Variants in TLR9 observed in about 807,000 individuals in gnomAD.
TLR9 encodes the protein toll-like receptor 9.
TLR9 carries 19 observed loss-of-function variants against 24.6 expected under a neutral mutation model. The ratio of observed to expected loss-of-function variants is 0.77; its 90% CI spans 0.54 to 1.13. The LOEUF is 1.13. Ranked by LOEUF, TLR9 falls within the 50% of genes most tolerant of loss-of-function variation. TLR9 has a pLI of 0.00. For synonymous variants in TLR9, 579 were observed against 609.8 expected (o/e 0.95, Z 0.74); for missense variants, 1,065 against 1,379.6 (o/e 0.77, Z 3.61).
chr3:52,224,262 G>A lies in TLR9; in HGVS notation c.54C>T (p.Ile18=), dbSNP rs139242193. 6.2e-7 allele frequency: 1 copy of A among 1,611,790 alleles called. No individual in the cohort carries two copies. Residue 18 remains isoleucine (I), a synonymous_variant, in exon 2 of 2, where the codon ATC becomes ATT. Coordinates refer to ENST00000360658, the MANE Select transcript of TLR9 (RefSeq NM_017442.4). ...CCAGGGCCAGGGTCATGGCCAGCAT[G>A]ATGGCCTGCACCAGGAGAGACAGCG... ...LHPLSLLVQA[I]MLAMTLALGT...
At position 52,222,498 on chromosome 3, in the gene TLR9, G is replaced by A. The variant is rs201081818; in HGVS notation, c.1818C>T (p.Ser606=). Residue 606 remains serine, a synonymous_variant, in exon 2 of 2, where the codon AGC becomes AGT. Transcript: ENST00000360658. ...CCCACATATGGCCCAGTGCATTGCC[G>A]CTGAAGTCCAGGGCCCGCAGCGACG... ...CSTSLRALDF[S]GNALGHMWAE... 23 of 1,614,098 alleles carry A rather than the reference G, an allele frequency of 1.4e-5. No homozygotes were observed. The East Asian group carries it at 2.9e-4, about 20-fold the overall frequency.
In TLR9 at chr3:52,221,261, GGTGGTTGTCCCTGGTCA is replaced by G. The variant is rs1699547712; in HGVS notation, c.3038_3054del (p.Leu1013ProfsTer4). The G allele has an allele frequency of 6.6e-7, 1 of 1,516,362 alleles. No individual in the cohort carries two copies. Among genetic ancestry groups the G allele is most frequent in the African/African-American group, 1.4e-5 (1 of 71,604 alleles). The allele number at this position is 1,516,362 out of a possible 1,614,324, so 93.9% of individuals were successfully genotyped here. A position where few individuals can be genotyped will look rare whatever the true frequency, so the allele number is the denominator to read the frequency against. ...TGGCAGAAGTTCCGGTTATAGAAGT[GGTGGTTGTCCCTGGTCA>G]GGGCCATGCCCAGCTGGGCCCAGAA... is the stretch of plus-strand genomic sequence containing the variant. On this transcript the variant is annotated frameshift_variant, in exon 2 of 2. Coordinates refer to ENST00000360658, the MANE Select transcript of TLR9 (RefSeq NM_017442.4). LOFTEE classifies it high-confidence loss of function. The surrounding 1 kb of genome is among the most constrained non-coding windows in gnomAD (Gnocchi z 9.9).
rs1699593912 is a variant in TLR9 at position 52,223,957 on chromosome 3, A to G, written c.359T>C (p.Leu120Ser). Residue 120 changes from leucine to serine, a missense_variant, in exon 2 of 2, where the codon TTG (leucine) becomes TCG (serine). Physicochemically the swap from Leu to Ser is moderately radical, Grantham distance 145. Coordinates refer to ENST00000360658, the MANE Select transcript of TLR9 (RefSeq NM_017442.4). ...TAGCTCTTCCAGGGTGGGCACAGCC[A>G]AGAAGGTGCTGGGCTCGATGGTCAT... ...CHMTIEPSTF[L>S]AVPTLEELNL... The G allele has an allele frequency of 6.3e-7, 1 of 1,593,344 alleles. No homozygotes were observed. Among genetic ancestry groups the G allele is most frequent in the African/African-American group, 1.3e-5 (1 of 74,522 alleles).
chr3:52,224,460 TC>T, intron 1 of TLR9, 148 bp from the exon 2 acceptor site: 3 of 670,148 alleles, frequency 4.5e-6, no homozygotes, highest in Non-Finnish European at 7.6e-6. Context: ...CCCATTCCCA[TC>T]CCCCATGGCT....
Position 52,223,284 on chromosome 3 carries a change from A to G in TLR9, c.1032T>C (p.Asn344=), listed in dbSNP as rs754053854. The G allele has an allele frequency of 6.2e-7, 1 of 1,614,052 alleles. No homozygotes were observed. Residue 344 remains asparagine, a synonymous_variant, in exon 2 of 2, where the codon AAT becomes AAC. Transcript: ENST00000360658. ...GGGCAAAGGACACCCTCTTTTGGTAATTGAAGGACAGGTTAAGCTTGCGCA... is the reference window on the plus strand; with the variant it reads ...GGGCAAAGGACACCCTCTTTTGGTAGTTGAAGGACAGGTTAAGCTTGCGCA... ...TQLRKLNLSF[N]YQKRVSFAHL...
In TLR9 at chr3:52,222,387, G is replaced by C; in HGVS notation, c.1929C>G (p.Leu643=). The change falls in exon 2 of 2, where the codon CTC becomes CTG. Residue 643 remains leucine, a synonymous_variant. Coordinates refer to ENST00000360658, the MANE Select transcript of TLR9 (RefSeq NM_017442.4). The part of the protein sequence containing the change: ...LDLSQNRLHT[L]LPQTLRNLPK... Reference sequence around the variant, plus strand: ...GGAGGTTGCGCAGGGTTTGGGGCAGGAGGGTGTGCAGGCGGTTCTGGGACA... The same window carrying C: ...GGAGGTTGCGCAGGGTTTGGGGCAGCAGGGTGTGCAGGCGGTTCTGGGACA... The C allele has an allele frequency of 6.2e-7, 1 of 1,614,246 alleles. No homozygotes were observed. The highest frequency in any genetic ancestry group is 8.5e-7 in the Non-Finnish European group (1 of 1,180,042).
rs148856354 is a variant in TLR9, at chr3:52,223,869, G to A, written c.447C>T (p.Ser149=). Residue 149 remains serine, a synonymous_variant, in exon 2 of 2, where the codon TCC becomes TCT. Transcript: ENST00000360658. ...GCATCAGGATGTTGGTATGGCTGAGGGACAGGGATATGAGGGATTTGGGCA... is the reference window on the plus strand; with the variant it reads ...GCATCAGGATGTTGGTATGGCTGAGAGACAGGGATATGAGGGATTTGGGCA... The part of the protein sequence containing the change: ...PALPKSLISL[S]LSHTNILMLD... 24 of 1,612,224 alleles carry A rather than the reference G, an allele frequency of 1.5e-5. No homozygotes were observed. Among genetic ancestry groups the A allele is most frequent in the Non-Finnish European group, 2.0e-5 (24 of 1,178,976 alleles).
rs202130322 is a variant in TLR9 at position 52,222,201 on chromosome 3, C to G, written c.2115G>C (p.Arg705Ser). 1.2e-6 allele frequency: 2 copies of G among 1,614,020 alleles called. No individual in the cohort carries two copies. Among genetic ancestry groups the G allele is most frequent in the East Asian group, 2.2e-5 (1 of 44,878 alleles). ...GSLPAGTRLR[R>S]LDVSCNSISF... ...TGATGCTGTTGCAGCTGACATCCAG[C>G]CTCCGGAGCCGGGTGCCAGCAGGCA... Residue 705 changes from arginine to serine, a missense_variant, in exon 2 of 2, where the codon AGG becomes AGC. Transcript: ENST00000360658.
In TLR9 at chr3:52,222,916, C is replaced by T. The variant is rs2107294587; in HGVS notation, c.1400G>A (p.Arg467Lys). Residue 467 changes from arginine (R) to lysine (K), a missense_variant, in exon 2 of 2, where the codon AGG becomes AAG. Arg to Lys is a conservative substitution (Grantham distance 26). Coordinates refer to ENST00000360658, the MANE Select transcript of TLR9 (RefSeq NM_017442.4). ...PVDTPSSEDFRPNCSTLNFTL... is the reference protein window; with the variant it reads ...PVDTPSSEDFKPNCSTLNFTL... Reference sequence around the variant, plus strand: ...GAAGTTGAGGGTGCTGCAGTTGGGCCTGAAGTCTTCAGAGCTGGGAGTGTC... The same window carrying T: ...GAAGTTGAGGGTGCTGCAGTTGGGCTTGAAGTCTTCAGAGCTGGGAGTGTC... 1.2e-6 allele frequency: 2 copies of T among 1,603,420 alleles called. No homozygotes were observed. The highest frequency in any genetic ancestry group is 1.7e-6 in the Non-Finnish European group (2 of 1,172,320).
In TLR9 at chr3:52,223,167, C is replaced by G. The variant is rs35654187; in HGVS notation, c.1149G>C (p.Thr383=). ...TGGGCAGGCGGGCCAGTGGCCGGAG[C>G]GTGGTCTCATCGAGTGAGCGGAAGA... ...GIFFRSLDET[T]LRPLARLPML... is the part of the protein sequence containing the mutation. The change falls in exon 2 of 2, where the codon ACG becomes ACC. Residue 383 remains threonine, a synonymous_variant. Transcript: ENST00000360658. 6.2e-7 allele frequency: 1 copy of G among 1,613,858 alleles called. No homozygotes were observed. The highest frequency in any genetic ancestry group is 8.5e-7 in the Non-Finnish European group (1 of 1,179,908).
intron 1 of TLR9, 25 bp downstream of exon 1, chr3:52,225,502 A>T: frequency 6.3e-7 from 1 of 1,595,306 alleles, no homozygotes; most frequent in Non-Finnish European, 8.5e-7. Context: ...CCCCTTCCCC[A>T]GGGGACTGAG....
Position 52,223,168 on chromosome 3 carries a change from G to A in TLR9, c.1148C>T (p.Thr383Met), listed in dbSNP as rs200533822. The change falls in exon 2 of 2, where the codon ACG becomes ATG. Residue 383 changes from threonine (T) to methionine (M), a missense_variant. Thr to Met is a moderately conservative substitution (Grantham distance 81, BLOSUM62 -1). Coordinates refer to ENST00000360658, the MANE Select transcript of TLR9 (RefSeq NM_017442.4). ...GIFFRSLDET[T>M]LRPLARLPML... ...GGGCAGGCGGGCCAGTGGCCGGAGC[G>A]TGGTCTCATCGAGTGAGCGGAAGAA... The A allele has an allele frequency of 9.9e-6, 16 of 1,613,736 alleles. No individual in the cohort carries two copies. The highest frequency in any genetic ancestry group is 6.7e-5 in the East Asian group (3 of 44,884).
At chr3:52,225,118 G>A (rs1468606181) in intron 1 of TLR9, among the ~76,000 whole-genome samples, 1 of 152,326 alleles carries the variant, frequency 6.6e-6, no homozygotes, top group East Asian at 1.9e-4. Context: ...GCCGAAGTGG[G>A]CAGATCACCT....
rs201308500 is a variant in TLR9, at chr3:52,222,175, C to G, written c.2141G>C (p.Ser714Thr). 3 of 1,614,030 alleles carry G rather than the reference C, an allele frequency of 1.9e-6. No homozygotes were observed. Among genetic ancestry groups the G allele is most frequent in the Non-Finnish European group, 2.5e-6 (3 of 1,179,998 alleles). The change falls in exon 2 of 2, where the codon AGC (serine) becomes ACC (threonine). Residue 714 changes from serine (S) to threonine (T), a missense_variant. Ser to Thr is a moderately conservative substitution (Grantham distance 58). Transcript: ENST00000360658. Reference protein sequence around the residue: ...RRLDVSCNSISFVAPGFFSKA... With the variant: ...RRLDVSCNSITFVAPGFFSKA... ...GGAAAAGAAGCCGGGGGCCACGAAG[C>G]TGATGCTGTTGCAGCTGACATCCAG...
Position 52,223,893 on chromosome 3 carries a change from C to G in TLR9, c.423G>C (p.Leu141=). The change falls in exon 2 of 2, where the codon CTG becomes CTC. Residue 141 remains leucine (L), a synonymous_variant. Transcript: ENST00000360658. ...SYNNIMTVPA[L]PKSLISLSLS... ...GGGACAGGGATATGAGGGATTTGGG[C>G]AGCGCAGGCACAGTCATGATGTTGT... The G allele has an allele frequency of 6.2e-7, 1 of 1,609,152 alleles. No homozygotes were observed. Among genetic ancestry groups the G allele is most frequent in the African/African-American group, 1.3e-5 (1 of 74,914 alleles).
Position 52,223,968 on chromosome 3 carries a change from G to C in TLR9, c.348C>G (p.Pro116=). The change falls in exon 2 of 2, where the codon CCC becomes CCG. Residue 116 remains proline (P), a synonymous_variant. Transcript: ENST00000360658. ...GGGTGGGCACAGCCAAGAAGGTGCT[G>C]GGCTCGATGGTCATGTGGCAGGGGA... ...MHFPCHMTIE[P]STFLAVPTLE... 1.3e-6 allele frequency: 2 copies of C among 1,594,322 alleles called. No individual in the cohort carries two copies. Among genetic ancestry groups the C allele is most frequent in the Non-Finnish European group, 1.7e-6 (2 of 1,166,912 alleles).
Position 52,221,453 on chromosome 3 carries a change from G to A in TLR9, c.2863C>T (p.Gln955Ter). The stretch of plus-strand genomic sequence containing the variant: ...TTGCGGTCCTCCAGCAGGCGCTGCT[G>A]GGCCAGCAGGAAGCTGGCGCGCAAG... ...GLLRASFLLA[Q>*]QRLLEDRKDV... Residue 955 changes from glutamine (Q) to a stop codon, truncating the protein, a stop_gained, in exon 2 of 2, where the codon CAG (glutamine) becomes TAG (stop). Coordinates refer to ENST00000360658, the MANE Select transcript of TLR9 (RefSeq NM_017442.4). LOFTEE classifies it high-confidence loss of function. This position sits in a 1 kb window ranked among gnomAD's most constrained non-coding sequence, Gnocchi z 9.9. 1.2e-6 allele frequency: 2 copies of A among 1,610,574 alleles called. No homozygotes were observed. Among genetic ancestry groups the A allele is most frequent in the South Asian group, 1.1e-5 (1 of 90,968 alleles).
rs200101208 is a variant in TLR9, at chr3:52,222,023, C to A, written c.2293G>T (p.Ala765Ser). Residue 765 changes from alanine (A) to serine (S), a missense_variant, in exon 2 of 2, where the codon GCC (alanine) becomes TCC (serine). Ala to Ser is a moderately conservative substitution (Grantham distance 99). Coordinates refer to ENST00000360658, the MANE Select transcript of TLR9 (RefSeq NM_017442.4). ...AAGTCCATAAAGGCCGCCCCACAGG[C>A]GCAGTGCAGAGGGTTGGCGCTTACA... ...LDVSANPLHC[A>S]CGAAFMDFLL... is the part of the protein sequence containing the mutation. 3 of 1,610,338 alleles carry A rather than the reference C, an allele frequency of 1.9e-6. No homozygotes were observed. The highest frequency in any genetic ancestry group is 1.7e-6 in the Non-Finnish European group (2 of 1,178,250).
Position 52,221,670 on chromosome 3 carries a change from T to C in TLR9, c.2646A>G (p.Ala882=), listed in dbSNP as rs199703465. ...AFVVFDKTQS[A]VADWVYNELR... Reference sequence around the variant, plus strand: ...GCTCGTTGTACACCCAGTCTGCCACTGCGCTCTGCGTTTTGTCGAAGACCA... The same window carrying C: ...GCTCGTTGTACACCCAGTCTGCCACCGCGCTCTGCGTTTTGTCGAAGACCA... The change falls in exon 2 of 2, where the codon GCA becomes GCG. Residue 882 remains alanine, a synonymous_variant. Transcript: ENST00000360658. The surrounding 1 kb of genome is among the most constrained non-coding windows in gnomAD (Gnocchi z 9.9). 6.0e-5 allele frequency: 97 copies of C among 1,613,790 alleles called. No individual in the cohort carries two copies. The highest frequency in any genetic ancestry group is 7.8e-5 in the Non-Finnish European group (92 of 1,180,004).
Sources: allele counts gnomAD v4.1 joint callset (sites outside exome capture counted in the v4.1 genomes callset), GRCh38; gene constraint gnomAD v4.1.1; non-coding constraint Gnocchi (gnomAD v3.1); transcripts MANE v1.5; gene names NCBI Gene and HGNC (gene_info 2026-07-23, HGNC 2026-07-21).